Variants in SMTN observed in about 807,000 individuals in gnomAD.
The protein encoded by SMTN is smoothelin.
SMTN carries 58 observed loss-of-function variants against 102.0 expected under a neutral mutation model. The observed-to-expected ratio is 0.57, with a 90% CI of 0.46 to 0.71. SMTN has a LOEUF of 0.71. Ranked by LOEUF, SMTN falls within the 30% of genes least tolerant of loss-of-function variation. SMTN has a pLI of 0.00. For missense variants in SMTN, 1,185 were observed against 1,241.7 expected, an observed-to-expected ratio of 0.95 and a Z score of 0.69; for synonymous variants, 478 against 497.9, an observed-to-expected ratio of 0.96 and a Z score of 0.53.
At chr22:31,101,411 C>A in intron 20 of SMTN, 1 of 204,650 alleles carries the variant, frequency 4.9e-6, no homozygotes, top group Admixed American at 5.1e-5. Flanking sequence ...CTTAGCAGGG[C>A]AAGAGAGCTG....
intron 20 of SMTN, chr22:31,101,783 C>CAAAAAA (rs35106237): frequency 4.3e-5 from 3 of 69,868 alleles, no homozygotes; most frequent in Non-Finnish European, 7.7e-5. Context: ...GACTCCATCT[C>CAAAAAA]AAAAAAAAAA....
intron 6 of SMTN, 137 bp from the exon 7 acceptor site, chr22:31,089,562 G>C: frequency 1.3e-6 from 1 of 745,134 alleles, no homozygotes; most frequent in South Asian, 1.7e-5. Context: ...GCTTGCGCAG[G>C]TGTGCCTACA....
At position 31,091,118 on chromosome 22, in the gene SMTN, G is replaced by A. The variant is rs748668499; in HGVS notation, c.1095G>A (p.Leu365=). The A allele has an allele frequency of 3.7e-6, 6 of 1,613,728 alleles. No individual in the cohort carries two copies. Among genetic ancestry groups the A allele is most frequent in the Non-Finnish European group, 5.1e-6 (6 of 1,179,894 alleles). The part of the protein sequence containing the change: ...ALSPLTPARL[L]GPSLTSTTPA... ...GTCCCCTGACCCCCGCAAGGCTCCT[G>A]GGCCCCTCCCTCACCAGCACCACCC... is the stretch of plus-strand genomic sequence containing the variant. The change falls in exon 10 of 21, where the codon CTG becomes CTA. Residue 365 remains leucine (L), a synonymous_variant. Transcript: ENST00000333137.
chr22:31,067,440 A>T (rs2041879655), intron 1 of SMTN: 1 of 150,690 alleles, frequency 6.6e-6, no homozygotes, highest in Admixed American at 6.6e-5. Flanking sequence ...GGGTTTCACC[A>T]TGTTGGCCAG....
intron 20 of SMTN, 176 bp downstream of exon 20, chr22:31,101,225 A>G: frequency 3.4e-6 from 2 of 595,658 alleles, no homozygotes; most frequent in East Asian, 5.8e-5. Context: ...ACCATTCTAA[A>G]TGGGCAGTGA....
chr22:31,091,742 C>G lies in SMTN; in HGVS notation c.1527C>G (p.Ile509Met), dbSNP rs757666513. 1.5e-5 allele frequency: 24 copies of G among 1,612,738 alleles called. No individual in the cohort carries two copies. Among genetic ancestry groups the G allele is most frequent in the Non-Finnish European group, 1.5e-5 (18 of 1,179,298 alleles). ...CCAGTAGTGGGGGCAAGAGCACCAT[C>G]ACCCGTGTCAACAGCCCTGGGACCC... is the stretch of plus-strand genomic sequence containing the variant. Reference protein sequence around the residue: ...LSTSSGGKSTITRVNSPGTLA... With the variant: ...LSTSSGGKSTMTRVNSPGTLA... Residue 509 changes from isoleucine to methionine, a missense_variant, in exon 11 of 21, where the codon ATC becomes ATG. Ile to Met is a conservative substitution (Grantham distance 10, BLOSUM62 1). Transcript: ENST00000333137.
At chr22:31,083,755 T>C (rs962186886) in intron 2 of SMTN, among the ~76,000 whole-genome samples, 1 of 152,134 alleles carries the variant, frequency 6.6e-6, no homozygotes, top group East Asian at 1.9e-4. Context: ...TCACAGCAGC[T>C]CTGAAAGCCT....
In SMTN at chr22:31,088,298, G is replaced by A. The variant is rs1008029219; in HGVS notation, c.200+185G>A. On this transcript the variant is annotated intron_variant, in intron 3 of 20. Coordinates refer to ENST00000333137, the MANE Select transcript of SMTN (RefSeq NM_134269.3). ...GCATGGAGCATGTACTGATTGTGGC[G>A]TCGCGGCCGTGCTGATGTAGCCAGC... 54 of 836,772 alleles carry A rather than the reference G, an allele frequency of 6.5e-5. 1 individual carries two copies. Among genetic ancestry groups the A allele is most frequent in the East Asian group, 3.7e-4 (14 of 37,610 alleles). The allele number at this position is 836,772 out of a possible 1,614,324, so 51.8% of individuals were successfully genotyped here. A position where few individuals can be genotyped will look rare whatever the true frequency, so the allele number is the denominator to read the frequency against.
intron 19 of SMTN, 32 bp downstream of exon 19, chr22:31,099,928 C>A: frequency 6.2e-7 from 1 of 1,606,806 alleles, no homozygotes. Context: ...GCTAATGTTG[C>A]TGCACATCTG....
intron 19 of SMTN, among the ~76,000 whole-genome samples, 169 bp downstream of exon 19, chr22:31,100,065 G>A (rs774097584): frequency 7.4e-6 from 1 of 134,580 alleles, no homozygotes; most frequent in African/African-American, 2.8e-5. Flanking sequence ...CCACCCCCCC[G>A]CTGCTGAGCG....
chr22:31,102,536 G>A (rs2044174633), intron 20 of SMTN: 1 of 152,394 alleles, frequency 6.6e-6, no homozygotes, highest in Non-Finnish European at 1.5e-5. Context: ...CAGATGAGTG[G>A]CGGATGGGCT....
intron 1 of SMTN, among the ~76,000 whole-genome samples, chr22:31,068,672 G>A (rs1479069549): frequency 6.6e-6 from 1 of 152,186 alleles, no homozygotes; most frequent in Non-Finnish European, 1.5e-5. Flanking sequence ...GAGCCCCTTC[G>A]TTGACGCCAG....
At chr22:31,079,125 T>G (rs1377507979), upstream of SMTN, among the ~76,000 whole-genome samples, 19 of 152,214 alleles carry the variant, frequency 1.2e-4, no homozygotes. Context: ...CTGGCAGTAG[T>G]GGGAGCCCCA....
intron 9 of SMTN, 21 bp downstream of exon 9, chr22:31,090,900 G>A: frequency 6.2e-7 from 1 of 1,613,800 alleles, no homozygotes; most frequent in South Asian, 1.1e-5. Flanking sequence ...TTCTCACCCT[G>A]CCTAGGATCT....
At chr22:31,101,406 C>T (rs2044076456) in intron 20 of SMTN, 2 of 213,768 alleles carry the variant, frequency 9.4e-6, no homozygotes, top group African/African-American at 2.2e-5. Flanking sequence ...CTAGGCTTAG[C>T]AGGGCAAGAG....
At chr22:31,098,984 G>A in intron 17 of SMTN, 78 bp from the exon 18 acceptor site, 1 of 1,542,216 alleles carries the variant, frequency 6.5e-7, no homozygotes, top group Non-Finnish European at 8.9e-7. Flanking sequence ...GGAAGGCGGG[G>A]CCTGGGATCC....
Position 31,099,634 on chromosome 22 carries a change from C to T in SMTN, c.2452-111C>T, listed in dbSNP as rs375296564. 1.1e-4 allele frequency: 124 copies of T among 1,157,556 alleles called. 1 individual carries two copies. In the African/African-American group the frequency reaches 1.3e-3, roughly 13 times the overall value. The allele number at this position is 1,157,556 out of a possible 1,614,324, so 71.7% of individuals were successfully genotyped here. A position where few individuals can be genotyped will look rare whatever the true frequency, so the allele number is the denominator to read the frequency against. ...AACTATTCACTCATTGTGCAAGCTA[C>T]GGGGCCTCTTTGTGCCCAGTGCCCT... On this transcript the variant is annotated intron_variant, in intron 18 of 20. Transcript: ENST00000333137.
In SMTN at chr22:31,091,398, A is replaced by T. The variant is rs1418557243; in HGVS notation, c.1375A>T (p.Thr459Ser). The change falls in exon 10 of 21, where the codon ACC becomes TCC. Residue 459 changes from threonine to serine, a missense_variant. By Grantham distance (58) the Thr-to-Ser change is moderately conservative (BLOSUM62 1). Transcript: ENST00000333137. ...GTAEPGGSMKTTFTIEIKDGR... is the reference protein window; with the variant it reads ...GTAEPGGSMKSTFTIEIKDGR... ...TGCCGAGCCAGGGGGCAGTATGAAG[A>T]CCACATTCACCATCGAGATCAAGGA... The T allele has an allele frequency of 3.2e-6, 5 of 1,581,162 alleles. No individual in the cohort carries two copies. The African/African-American group carries it at 5.4e-5, about 17-fold the overall frequency.
chr22:31,098,969 G>A (rs2043852759), intron 17 of SMTN, 93 bp from the exon 18 acceptor site: 2 of 1,538,056 alleles, frequency 1.3e-6, no homozygotes, highest in Non-Finnish European at 1.8e-6. Flanking sequence ...AGGCCCGAAG[G>A]TCATGGAAGG....
Sources: gnomAD v4.1 joint callset for allele counts (sites outside exome capture counted in the v4.1 genomes callset) on GRCh38, gnomAD v4.1.1 for gene constraint, MANE v1.5 for transcripts, NCBI Gene and HGNC (gene_info 2026-07-23, HGNC 2026-07-21) for gene names.